DENND1A: variants seen among roughly 807,000 people sequenced by gnomAD.
DENND1A encodes DENN domain containing 1A.
In DENND1A, 51 loss-of-function variants were observed where a neutral mutation model predicts 113.7. The observed-to-expected ratio is 0.45, with a 90% CI of 0.36 to 0.57. The LOEUF is 0.57. Ranked by LOEUF, DENND1A falls within the 20% of genes least tolerant of loss-of-function variation. DENND1A has a pLI of 0.00. For missense variants in DENND1A, 1,258 were observed against 1,395.9 expected, an observed-to-expected ratio of 0.90 and a Z score of 1.57; for synonymous variants, 565 against 570.8, an observed-to-expected ratio of 0.99 and a Z score of 0.14.
intron 4 of DENND1A, among the ~76,000 whole-genome samples, chr9:123,761,091 G>C (rs1004639313): frequency 4.6e-5 from 7 of 152,146 alleles, no homozygotes; most frequent in African/African-American, 9.7e-5. Context: ...CCTGACTTGT[G>C]AATTGTGTGT....
intron 13 of DENND1A, among the ~76,000 whole-genome samples, chr9:123,472,962 C>T (rs937676548): frequency 6.6e-6 from 1 of 152,198 alleles, no homozygotes; most frequent in Admixed American, 6.5e-5. Context: ...TTCCTCCTTG[C>T]CCGGGGCTGG....
chr9:123,604,979 C>T lies in DENND1A; in HGVS notation c.765+4457G>A, dbSNP rs538495600. On this transcript the variant is annotated intron_variant, in intron 11 of 23. Transcript: ENST00000394215. Reference sequence around the variant, plus strand: ...GATAGGCATTATCTCACTGGATCCTCCCAGTGATCCCATAAGGGAGACACA... The same window carrying T: ...GATAGGCATTATCTCACTGGATCCTTCCAGTGATCCCATAAGGGAGACACA... 9.5e-4 allele frequency among the ~76,000 whole-genome samples: 145 copies of T among 152,244 alleles called. 2 individuals are homozygous for T. The South Asian group carries it at 0.029, about 30-fold the overall frequency.
chr9:123,780,174 C>T (rs1157269989), intron 3 of DENND1A, among the ~76,000 whole-genome samples: 1 of 152,132 alleles, frequency 6.6e-6, no homozygotes. Context: ...CTTTCTAACC[C>T]TCCGTCCACC....
At chr9:123,626,201 C>T (rs181701185) in intron 10 of DENND1A, among the ~76,000 whole-genome samples, 2 of 152,184 alleles carry the variant, frequency 1.3e-5, no homozygotes, top group Non-Finnish European at 2.9e-5. Context: ...CCTGAGGCTA[C>T]CTTTTAGAGC....
rs533431027 is a variant in DENND1A, at chr9:123,797,097, C to G, written c.89-4467G>C. Among the ~76,000 whole-genome samples, 42 of 152,268 alleles carry G rather than the reference C, an allele frequency of 2.8e-4. 2 individuals are homozygous for G. The South Asian group carries it at 7.7e-3, about 28-fold the overall frequency. On this transcript the variant is annotated intron_variant, in intron 2 of 23. Coordinates refer to ENST00000394215, the MANE Select transcript of DENND1A (RefSeq NM_001352964.2). ...CCCGCTGAATTTACCCAATCATTAT[C>G]TCTAGGATATTTCAATCAATAAGAG...
At chr9:123,724,449 A>T (rs2067552801) in intron 5 of DENND1A, among the ~76,000 whole-genome samples, 1 of 151,972 alleles carries the variant, frequency 6.6e-6, no homozygotes, top group South Asian at 2.1e-4. Flanking sequence ...AGAGTTAACC[A>T]CCTGGAGTGA....
chr9:123,604,179 C>T (rs2060049372), intron 11 of DENND1A, among the ~76,000 whole-genome samples: 2 of 152,194 alleles, frequency 1.3e-5, no homozygotes, highest in Non-Finnish European at 2.9e-5. Flanking sequence ...CTGAACTACT[C>T]ATATCTCCTG....
intron 9 of DENND1A, among the ~76,000 whole-genome samples, chr9:123,648,302 C>T (rs971299346): frequency 6.6e-6 from 1 of 152,194 alleles, no homozygotes; most frequent in Admixed American, 6.5e-5. Flanking sequence ...TTCTTGAACT[C>T]CTGGCCTTAA....
At chr9:123,495,856 A>AAGG in intron 13 of DENND1A, among the ~76,000 whole-genome samples, 1 of 152,370 alleles carries the variant, frequency 6.6e-6, no homozygotes, top group East Asian at 1.9e-4. Flanking sequence ...ATTGTTCCTT[A>AAGG]GCGGTATACA....
rs557147627 is a variant in DENND1A at position 123,748,093 on chromosome 9, G to A, written c.302+9610C>T. ...AAGAAATATTCTTTCACATTACTAAGAGCTTCTTTCCTTGTATTATAAATC... is the reference window on the plus strand; with the variant it reads ...AAGAAATATTCTTTCACATTACTAAAAGCTTCTTTCCTTGTATTATAAATC... On this transcript the variant is annotated intron_variant, in intron 5 of 23. Transcript: ENST00000394215. Among the ~76,000 whole-genome samples, 5 of 152,252 alleles carry A rather than the reference G, an allele frequency of 3.3e-5. No individual in the cohort carries two copies. The South Asian group carries it at 1.0e-3, about 32-fold the overall frequency.
At chr9:123,912,632 T>C (rs1456473006) in intron 1 of DENND1A, among the ~76,000 whole-genome samples, 2 of 152,088 alleles carry the variant, frequency 1.3e-5, no homozygotes, top group East Asian at 1.9e-4. Context: ...GCCAGAGTAG[T>C]GCTACAGAAA....
chr9:123,440,984 T>C (rs1354439742), intron 18 of DENND1A, among the ~76,000 whole-genome samples: 1 of 152,238 alleles, frequency 6.6e-6, no homozygotes, highest in Non-Finnish European at 1.5e-5. Flanking sequence ...ATTCTACTAC[T>C]ATTGGGCATT....
In DENND1A at chr9:123,652,099, C is replaced by A; in HGVS notation, c.532G>T (p.Ala178Ser). The change falls in exon 9 of 24, where the codon GCT (alanine) becomes TCT (serine). Residue 178 changes from alanine (A) to serine (S), a missense_variant. Transcript: ENST00000394215. Reference sequence around the variant, plus strand: ...TGCAACATGTTGTTAACATCCACAGCCACAAAATATTCTGTCAGATTTCTC... The same window carrying A: ...TGCAACATGTTGTTAACATCCACAGACACAAAATATTCTGTCAGATTTCTC... ...ENRNLTEYFV[A>S]VDVNNMLHLY... The A allele has an allele frequency of 6.2e-7, 1 of 1,614,112 alleles. No individual in the cohort carries two copies. The highest frequency in any genetic ancestry group is 8.5e-7 in the Non-Finnish European group (1 of 1,180,014).
At chr9:123,783,874 C>T (rs997584936) in intron 3 of DENND1A, among the ~76,000 whole-genome samples, 2 of 152,200 alleles carry the variant, frequency 1.3e-5, no homozygotes, top group Non-Finnish European at 2.9e-5. Flanking sequence ...GAAGCGTTCA[C>T]AGATTGATGA....
intron 20 of DENND1A, among the ~76,000 whole-genome samples, chr9:123,408,161 G>A (rs2044028416): frequency 6.6e-6 from 1 of 152,124 alleles, no homozygotes; most frequent in South Asian, 2.1e-4. Context: ...TTGTGGCTAC[G>A]TGACCCAGCA....
intron 9 of DENND1A, among the ~76,000 whole-genome samples, chr9:123,642,787 T>C (rs1054101340): frequency 1.3e-5 from 2 of 152,234 alleles, no homozygotes; most frequent in Admixed American, 6.5e-5. Flanking sequence ...GCCACTCTCA[T>C]CTCTGCTTCA....
chr9:123,398,515 C>T (rs530784412), intron 21 of DENND1A, among the ~76,000 whole-genome samples: 1 of 151,864 alleles, frequency 6.6e-6, no homozygotes, highest in Non-Finnish European at 1.5e-5. Flanking sequence ...GCTGGGACTA[C>T]AGGGATCCAC....
intron 13 of DENND1A, among the ~76,000 whole-genome samples, chr9:123,547,698 T>C (rs7868933): frequency 0.093 from 14,173 of 152,262 alleles, 1,152 homozygotes; most frequent in African/African-American, 0.21. Context: ...AAATCCTTTA[T>C]GTATCATTTG....
chr9:123,910,241 C>T lies in DENND1A; in HGVS notation c.17+19648G>A, dbSNP rs113952568. Among the ~76,000 whole-genome samples the T allele has an allele frequency of 5.8e-3, 881 of 152,186 alleles. 8 individuals carry two copies. Among genetic ancestry groups the T allele is most frequent in the African/African-American group, 0.019 (788 of 41,524 alleles). The stretch of plus-strand genomic sequence containing the variant: ...TTGAAAGAATTCCACTATTAAATAA[C>T]GAGACTTACTTTAAAGGTACAGTAA... On this transcript the variant is annotated intron_variant, in intron 1 of 23. Transcript: ENST00000394215.
Sources: gnomAD v4.1 joint callset for allele counts (sites outside exome capture counted in the v4.1 genomes callset) on GRCh38, gnomAD v4.1.1 for gene constraint, MANE v1.5 for transcripts, NCBI Gene and HGNC (gene_info 2026-07-23, HGNC 2026-07-21) for gene names.